Variants in NBAS observed in about 807,000 individuals in gnomAD.
NBAS encodes NBAS subunit of NRZ tethering complex, also known as NAG/BC035112 fusion.
A neutral mutation model predicts 302.5 loss-of-function variants in NBAS; 219 were observed. That is an observed-to-expected ratio of 0.72 (90% CI 0.65 to 0.81). The LOEUF is 0.81. Among genes scored for constraint, NBAS ranks in the 30% least tolerant of loss-of-function variants. The probability of loss-of-function intolerance (pLI) is 0.00; values close to 1 mark genes in which losing one functional copy is unlikely to be tolerated. For missense variants in NBAS, 2,932 were observed against 2,841.6 expected (o/e 1.03, Z -0.72); for synonymous variants, 1,118 against 1,021.6 (o/e 1.09, Z -1.80).
At chr2:15,241,620 T>G (rs1186362325) in intron 44 of NBAS, among the ~76,000 whole-genome samples, 1 of 152,308 alleles carries the variant, frequency 6.6e-6, no homozygotes. Context: ...TGCACAACTT[T>G]AAGAACTTAA....
chr2:15,149,047 C>T, the NBAS span, among the ~76,000 whole-genome samples: 4 of 152,220 alleles, frequency 2.6e-5, no homozygotes, highest in African/African-American at 9.6e-5. Context: ...AAATGAATGA[C>T]TATTGCTGTG....
chr2:15,467,266 G>A (rs1284454076), intron 19 of NBAS, 63 bp downstream of exon 19: 3 of 1,159,644 alleles, frequency 2.6e-6, no homozygotes, highest in Non-Finnish European at 3.9e-6. Flanking sequence ...TATTAGGGCA[G>A]CCATAGCATT....
intron 44 of NBAS, among the ~76,000 whole-genome samples, chr2:15,253,130 G>C (rs1191139015): frequency 6.6e-6 from 1 of 152,102 alleles, no homozygotes; most frequent in Non-Finnish European, 1.5e-5. Flanking sequence ...AACTCTCAAC[G>C]TTTTACTGTG....
At position 15,475,115 on chromosome 2, in the gene NBAS, T is replaced by G. The variant is rs147545051; in HGVS notation, c.1341+572A>C. Among the ~76,000 whole-genome samples the G allele has an allele frequency of 4.1e-4, 63 of 152,348 alleles. No individual in the cohort carries two copies. In the East Asian group the frequency reaches 0.01, roughly 25 times the overall value. ...GACTTAACAGAGCTGGCTTAGATTT[T>G]AAGCCATAGTTTTCTTTAAGGAACA... On this transcript the variant is annotated intron_variant, in intron 14 of 51. Coordinates refer to ENST00000281513, the MANE Select transcript of NBAS (RefSeq NM_015909.4).
At chr2:15,479,183 T>C (rs1680318031) in intron 12 of NBAS, among the ~76,000 whole-genome samples, 1 of 152,038 alleles carries the variant, frequency 6.6e-6, no homozygotes, top group Non-Finnish European at 1.5e-5. Context: ...GAGCAGACCC[T>C]GAGAACAGAA....
chr2:15,218,717 C>G (rs544525726), intron 48 of NBAS, 56 bp downstream of exon 48: 3 of 1,610,714 alleles, frequency 1.9e-6, no homozygotes, highest in Admixed American at 1.7e-5. Context: ...CGTGAGCAAC[C>G]GCGTCCGGCC....
chr2:15,363,150 T>G (rs771309032), intron 32 of NBAS, among the ~76,000 whole-genome samples: 2 of 152,184 alleles, frequency 1.3e-5, no homozygotes, highest in Non-Finnish European at 2.9e-5. Flanking sequence ...TCAGGCCATA[T>G]CCACAGAGTT....
At chr2:14,806,755 T>C in the NBAS span, among the ~76,000 whole-genome samples, 1 of 152,240 alleles carries the variant, frequency 6.6e-6, no homozygotes, top group Non-Finnish European at 1.5e-5. Context: ...GGAAAATCGG[T>C]TGGCAGGAAG....
chr2:14,798,532 G>A, the NBAS span, among the ~76,000 whole-genome samples: 1 of 152,102 alleles, frequency 6.6e-6, no homozygotes, highest in African/African-American at 2.4e-5. Context: ...CTATTGGTCT[G>A]TCAAAATTTT....
At chr2:15,294,085 T>C (rs1670440622) in intron 40 of NBAS, among the ~76,000 whole-genome samples, 1 of 152,172 alleles carries the variant, frequency 6.6e-6, no homozygotes, top group Non-Finnish European at 1.5e-5. Flanking sequence ...AGTCATTCAC[T>C]AAGAGGACAC....
chr2:14,793,201 C>G, the NBAS span, among the ~76,000 whole-genome samples: 1 of 152,086 alleles, frequency 6.6e-6, no homozygotes, highest in Non-Finnish European at 1.5e-5. Context: ...ACTTCTCAGC[C>G]TCCAGAACTG....
At chr2:15,413,143 T>G (rs1354612736) in intron 25 of NBAS, among the ~76,000 whole-genome samples, 1 of 152,266 alleles carries the variant, frequency 6.6e-6, no homozygotes, top group African/African-American at 2.4e-5. Context: ...TTGCTCTGTA[T>G]GTATGTCTTG....
intron 50 of NBAS, chr2:15,179,772 T>C (rs1484365371): frequency 6.6e-6 from 1 of 152,414 alleles, no homozygotes; most frequent in Admixed American, 6.5e-5. Context: ...TCCCCACAGG[T>C]GTATCTGAAT....
chr2:15,027,771 C>A, the NBAS span, among the ~76,000 whole-genome samples: 2 of 152,046 alleles, frequency 1.3e-5, no homozygotes, highest in African/African-American at 4.8e-5. Context: ...TGTTCATATT[C>A]CTGTCATTGT....
intron 40 of NBAS, among the ~76,000 whole-genome samples, chr2:15,299,740 A>G (rs1185477126): frequency 6.6e-6 from 1 of 152,204 alleles, no homozygotes; most frequent in Non-Finnish European, 1.5e-5. Context: ...CAACAATTAC[A>G]AAGGTAAGAT....
chr2:15,467,912 G>A (rs989618318), intron 17 of NBAS, 108 bp from the exon 18 acceptor site: 1 of 1,040,532 alleles, frequency 9.6e-7, no homozygotes, highest in Non-Finnish European at 1.4e-6. Flanking sequence ...CACAAAAACA[G>A]AAGAAAGTAT....
intron 27 of NBAS, among the ~76,000 whole-genome samples, chr2:15,395,529 A>C (rs1675826065): frequency 6.6e-6 from 1 of 152,136 alleles, no homozygotes; most frequent in Non-Finnish European, 1.5e-5. Flanking sequence ...GGTCTTCAGG[A>C]AACTGAAGAG....
chr2:15,533,348 A>C (rs1248908754), intron 9 of NBAS, among the ~76,000 whole-genome samples: 1 of 152,226 alleles, frequency 6.6e-6, no homozygotes, highest in East Asian at 1.9e-4. Context: ...TCTTTATAAC[A>C]AAAAATTTAG....
chr2:15,293,897 A>T (rs1000883211), intron 40 of NBAS, among the ~76,000 whole-genome samples: 7 of 124,376 alleles, frequency 5.6e-5, no homozygotes, highest in African/African-American at 2.5e-4. Flanking sequence ...AGTAAAAGTC[A>T]ATCTTACTAT....
Sources: allele counts gnomAD v4.1 joint callset (sites outside exome capture counted in the v4.1 genomes callset), GRCh38; gene constraint gnomAD v4.1.1; transcripts MANE v1.5; gene names NCBI Gene and HGNC (gene_info 2026-07-23, HGNC 2026-07-21).